TEX11: variants seen among roughly 807,000 people sequenced by gnomAD.
TEX11 encodes the protein testis expressed 11, also known as testis-expressed protein 11.
TEX11 carries 7 observed loss-of-function variants against 84.4 expected under a neutral mutation model. The observed-to-expected ratio is 0.08, with a 90% CI of 0.05 to 0.16. The LOEUF is 0.16. Among genes scored for constraint, TEX11 ranks in the 10% least tolerant of loss-of-function variants. TEX11 has a pLI of 1.00. For missense variants in TEX11, 551 were observed against 660.5 expected (o/e 0.83, Z 1.82); for synonymous variants, 264 against 222.8 (o/e 1.18, Z -1.64).
chrX:70,582,324 G>A (rs1305293766), intron 25 of TEX11, among the ~76,000 whole-genome samples: 1 of 111,740 alleles, frequency 8.9e-6, no homozygotes, highest in African/African-American at 3.2e-5. Context: ...CTGAAAGATG[G>A]TCAGTTTGTT....
intron 20 of TEX11, among the ~76,000 whole-genome samples, chrX:70,621,233 A>C (rs1367239207): frequency 9.2e-6 from 1 of 108,196 alleles, no homozygotes; most frequent in African/African-American, 3.4e-5. Flanking sequence ...AAAAAAATAA[A>C]ATATTAGGGT....
chrX:70,908,287 A>G (rs953171371), intron 1 of TEX11, among the ~76,000 whole-genome samples: 7 of 110,371 alleles, frequency 6.3e-5, no homozygotes, highest in Non-Finnish European at 1.1e-4. Context: ...TCAGTGGCCC[A>G]CCACAACTCC....
chrX:70,851,700 C>G (rs930450110), intron 7 of TEX11, among the ~76,000 whole-genome samples: 1 of 109,442 alleles, frequency 9.1e-6, no homozygotes, highest in Non-Finnish European at 1.9e-5. Flanking sequence ...CACACACACA[C>G]AGAGTAAATG....
At chrX:70,872,653 T>A (rs12014249) in intron 4 of TEX11, among the ~76,000 whole-genome samples, 34 of 112,306 alleles carry the variant, frequency 3.0e-4, no homozygotes, top group African/African-American at 1.1e-3. Context: ...ATTCAAAGCA[T>A]CCAAGAAGAT....
At chrX:70,876,986 A>G (rs2091658681) in intron 3 of TEX11, among the ~76,000 whole-genome samples, 2 of 111,732 alleles carry the variant, frequency 1.8e-5, no homozygotes, top group Non-Finnish European at 3.8e-5. Flanking sequence ...GTACAGTAAG[A>G]GGTTATGATC....
chrX:70,625,144 A>G (rs754526550), intron 18 of TEX11, among the ~76,000 whole-genome samples: 1 of 111,128 alleles, frequency 9.0e-6, no homozygotes, highest in Non-Finnish European at 1.9e-5. Context: ...CTATTCACAA[A>G]CACTCAAAGC....
intron 8 of TEX11, among the ~76,000 whole-genome samples, chrX:70,827,823 G>C (rs966266533): frequency 8.9e-6 from 1 of 112,066 alleles, no homozygotes; most frequent in Non-Finnish European, 1.9e-5. Context: ...ATCCTAAAGG[G>C]AAGGGCCTTC....
In TEX11 at chrX:70,833,717, T is replaced by C. The variant is rs963852269; in HGVS notation, c.526-124A>G. ...TTTTGTTTTCTAATATTTTTAGCAA[T>C]ACTAGTTGTTCAAGCTAAACAGATA... On this transcript the variant is annotated intron_variant, in intron 7 of 29. Coordinates refer to ENST00000374333, the MANE Select transcript of TEX11 (RefSeq NM_031276.3). The C allele has an allele frequency of 5.8e-6, 3 of 517,884 alleles. No homozygotes were observed. In the African/African-American group the frequency reaches 7.3e-5, roughly 13 times the overall value. The allele number at this position is 517,884 out of a possible 1,213,427, so 42.7% of individuals were successfully genotyped here.
At chrX:70,760,755 A>C (rs1426336461) in intron 9 of TEX11, among the ~76,000 whole-genome samples, 1 of 112,048 alleles carries the variant, frequency 8.9e-6, no homozygotes, top group Non-Finnish European at 1.9e-5. Flanking sequence ...AAAAATTGAC[A>C]AATGGGATCT....
At chrX:70,837,052 G>A (rs1329636260) in intron 7 of TEX11, among the ~76,000 whole-genome samples, 1 of 109,838 alleles carries the variant, frequency 9.1e-6, no homozygotes, top group Non-Finnish European at 1.9e-5. Flanking sequence ...AACACAGAAT[G>A]TAAAATGGCA....
intron 28 of TEX11, among the ~76,000 whole-genome samples, chrX:70,532,632 G>A (rs944509794): frequency 3.6e-5 from 4 of 112,464 alleles, no homozygotes; most frequent in Non-Finnish European, 7.5e-5. Flanking sequence ...TACTCGGGAG[G>A]CTGAGGCAGG....
intron 25 of TEX11, among the ~76,000 whole-genome samples, chrX:70,585,455 G>A (rs181483654): frequency 1.1e-3 from 121 of 111,666 alleles, no homozygotes; most frequent in African/African-American, 3.2e-3. Context: ...CACGCTAAGC[G>A]ATCCCTATCA....
intron 2 of TEX11, among the ~76,000 whole-genome samples, chrX:70,882,516 C>T (rs2091688844): frequency 1.8e-5 from 2 of 111,305 alleles, no homozygotes; most frequent in Non-Finnish European, 3.8e-5. Context: ...CGTGGTGGCT[C>T]ATGCCTGTAA....
chrX:70,823,587 G>A (rs991855008), intron 8 of TEX11, among the ~76,000 whole-genome samples: 1 of 111,187 alleles, frequency 9.0e-6, no homozygotes, highest in African/African-American at 3.3e-5. Flanking sequence ...GACAAGTTCA[G>A]GCCGGAAACT....
At chrX:70,816,017 G>A (rs1243734472) in intron 8 of TEX11, among the ~76,000 whole-genome samples, 1 of 111,244 alleles carries the variant, frequency 9.0e-6, no homozygotes, top group Non-Finnish European at 1.9e-5. Flanking sequence ...AGATTTTGGT[G>A]TACCCATCAA....
intron 16 of TEX11, among the ~76,000 whole-genome samples, chrX:70,652,030 A>C (rs16991210): frequency 0.087 from 9,629 of 110,884 alleles, 926 homozygotes; most frequent in African/African-American, 0.27. Context: ...ACACTCCTAG[A>C]CTAGGGACAA....
chrX:70,769,550 G>T (rs1008863225), intron 9 of TEX11, among the ~76,000 whole-genome samples: 1 of 111,601 alleles, frequency 9.0e-6, no homozygotes, highest in Non-Finnish European at 1.9e-5. Flanking sequence ...TTCTAAGAAG[G>T]TGAATCATTT....
intron 15 of TEX11, among the ~76,000 whole-genome samples, chrX:70,674,946 T>G (rs924558361): frequency 2.7e-5 from 3 of 110,908 alleles, no homozygotes; most frequent in Non-Finnish European, 5.7e-5. Context: ...ATCTCATTTT[T>G]AAAAAAAACT....
Position 70,552,184 on chromosome X carries a change from C to A in TEX11, c.2462G>T (p.Cys821Phe). The A allele has an allele frequency of 8.3e-7, 1 of 1,211,171 alleles. No individual in the cohort carries two copies. ...VPDGASNVEL[C>F]PLEEVWGYFE... ...ATAGCCCCAAACTTCTTCCAGGGGA[C>A]AGAGCTCTACATTCGACGCCCCATC... The change falls in exon 28 of 30, where the codon TGT (cysteine) becomes TTT (phenylalanine). Residue 821 changes from cysteine (C) to phenylalanine (F), a missense_variant. Coordinates refer to ENST00000374333, the MANE Select transcript of TEX11 (RefSeq NM_031276.3).
Sources: gnomAD v4.1 joint callset for allele counts (sites outside exome capture counted in the v4.1 genomes callset) on GRCh38, gnomAD v4.1.1 for gene constraint, MANE v1.5 for transcripts, NCBI Gene and HGNC (gene_info 2026-07-23, HGNC 2026-07-21) for gene names.